SLC9A3: variants seen among roughly 807,000 people sequenced by gnomAD.
The protein encoded by SLC9A3 is solute carrier family 9 member A3.
In SLC9A3, 37 loss-of-function variants were observed where a neutral mutation model predicts 86.8. The ratio of observed to expected loss-of-function variants is 0.43; its 90% confidence interval spans 0.33 to 0.56. SLC9A3 has a LOEUF of 0.56. Among genes scored for constraint, SLC9A3 ranks in the 20% least tolerant of loss-of-function variants. The probability of loss-of-function intolerance (pLI) is 0.06; values close to 1 mark genes in which losing one functional copy is unlikely to be tolerated. For missense variants in SLC9A3, 1,011 were observed against 1,171.9 expected (o/e 0.86, Z 2.00); for synonymous variants, 581 against 528.3 (o/e 1.10, Z -1.37).
At chr5:482,470 T>C in intron 7 of SLC9A3, 78 bp downstream of exon 7, 1 of 1,224,112 alleles carries the variant, frequency 8.2e-7, no homozygotes, top group Non-Finnish European at 1.2e-6. Flanking sequence ...AGCCTGGAAA[T>C]GCTTGTCCTG....
chr5:509,494 AGAAG>A (rs1181934416), intron 1 of SLC9A3, among the ~76,000 whole-genome samples: 3 of 106,548 alleles, frequency 2.8e-5, no homozygotes, highest in African/African-American at 7.3e-5. Flanking sequence ...AGGGAGGGAA[AGAAG>A]GAAGGAAGGG....
chr5:498,681 C>T (rs1336405965), intron 1 of SLC9A3, among the ~76,000 whole-genome samples: 1 of 152,220 alleles, frequency 6.6e-6, no homozygotes, highest in Non-Finnish European at 1.5e-5. Flanking sequence ...GGATCACAGG[C>T]GTGAGCCACC....
intron 2 of SLC9A3, 98 bp from the exon 3 acceptor site, chr5:488,574 C>G (rs558398126): frequency 7.8e-7 from 1 of 1,274,690 alleles, no homozygotes; most frequent in South Asian, 1.6e-5. Flanking sequence ...GTTCGGAGCC[C>G]GTCTGGCTGG....
rs1158978167 is a variant in SLC9A3 at position 491,972 on chromosome 5, T to C, written c.311A>G (p.His104Arg). 6.2e-7 allele frequency: 1 copy of C among 1,606,304 alleles called. No individual in the cohort carries two copies. Residue 104 changes from histidine to arginine, a missense_variant, in exon 2 of 17, where the codon CAC (histidine) becomes CGC (arginine). Coordinates refer to ENST00000264938, the MANE Select transcript of SLC9A3 (RefSeq NM_004174.4). The surrounding 1 kb of genome is among the most constrained non-coding windows in gnomAD (Gnocchi z 9.2). ...VLGGIVWAAD[H>R]IASFTLTPTV... ...GGGCGTCAGTGTGAAGGACGCGATG[T>C]GGTCGGCCGCCCAGACGATGCCGCC...
chr5:512,930 C>T (rs944425031), intron 1 of SLC9A3, among the ~76,000 whole-genome samples: 3 of 152,048 alleles, frequency 2.0e-5, no homozygotes, highest in Admixed American at 1.3e-4. Flanking sequence ...CACTACTGTC[C>T]GGCGTCACCA....
At chr5:500,039 A>C (rs1740191167) in intron 1 of SLC9A3, among the ~76,000 whole-genome samples, 1 of 152,254 alleles carries the variant, frequency 6.6e-6, no homozygotes, top group Admixed American at 6.5e-5. Context: ...CTGGGACGCA[A>C]CAGGCAGCGA....
At position 475,655 on chromosome 5, in the gene SLC9A3, G is replaced by C. The variant is rs377080845; in HGVS notation, c.2157C>G (p.Asp719Glu). 2.4e-5 allele frequency: 37 copies of C among 1,550,064 alleles called. No homozygotes were observed. The Admixed American group carries it at 7.1e-4, about 30-fold the overall frequency. The change falls in exon 15 of 17, where the codon GAC becomes GAG. Residue 719 changes from aspartate to glutamate, a missense_variant. Asp to Glu is a conservative substitution (Grantham distance 45). Transcript: ENST00000264938. ...TIKEKDLELS[D>E]TEEPPNYDEE... The stretch of plus-strand genomic sequence containing the variant: ...CATCATAGTTGGGGGGCTCCTCGGT[G>C]TCTGAAAGTTCCAAGTCTGGGGAAG...
In SLC9A3 at chr5:477,319, C is replaced by T. The variant is rs1393541528; in HGVS notation, c.1760+13G>A. The T allele has an allele frequency of 2.6e-6, 4 of 1,567,250 alleles. No homozygotes were observed. Among genetic ancestry groups the T allele is most frequent in the Non-Finnish European group, 3.5e-6 (4 of 1,143,304 alleles). The stretch of plus-strand genomic sequence containing the variant: ...CTCTTCCCCAGGGAAGCTGCATGAC[C>T]ATGGCCACATACAGGAGGTAGGAGA... On this transcript the variant is annotated intron_variant, in intron 11 of 16. Coordinates refer to ENST00000264938, the MANE Select transcript of SLC9A3 (RefSeq NM_004174.4).
chr5:515,285 A>G (rs1041737185), intron 1 of SLC9A3, among the ~76,000 whole-genome samples: 1 of 151,620 alleles, frequency 6.6e-6, no homozygotes, highest in Non-Finnish European at 1.5e-5. Flanking sequence ...TGGAATTCCC[A>G]CAGCCCCTCC....
chr5:475,716 T>C (rs1284584656), intron 14 of SLC9A3, 45 bp from the exon 15 acceptor site: 2 of 1,074,194 alleles, frequency 1.9e-6, no homozygotes, highest in Admixed American at 2.0e-5. Context: ...ACTGGGGGGC[T>C]GTCCTCACAG....
At position 473,271 on chromosome 5, in the gene SLC9A3, C is replaced by G; in HGVS notation, c.*108G>C. ...CGAGGCGGGGCTCGGGGCTCGCGGT[C>G]GCTGTAGCCGCGCGGGGATCTGGGG... is the stretch of plus-strand genomic sequence containing the variant. On this transcript the variant is annotated 3_prime_UTR_variant, in exon 17 of 17. Coordinates refer to ENST00000264938, the MANE Select transcript of SLC9A3 (RefSeq NM_004174.4). The G allele has an allele frequency of 8.5e-7, 1 of 1,177,072 alleles. No individual in the cohort carries two copies. The highest frequency in any genetic ancestry group is 1.1e-6 in the Non-Finnish European group (1 of 928,986). 72.9% of individuals were successfully genotyped at this position (1,177,072 alleles called of 1,614,324 possible). A position where few individuals can be genotyped will look rare whatever the true frequency, so the allele number is the denominator to read the frequency against.
In SLC9A3 at chr5:491,674, A is replaced by G; in HGVS notation, c.514+95T>C. On this transcript the variant is annotated intron_variant, in intron 2 of 16. Coordinates refer to ENST00000264938, the MANE Select transcript of SLC9A3 (RefSeq NM_004174.4). The surrounding 1 kb of genome is among the most constrained non-coding windows in gnomAD (Gnocchi z 9.2). ...ACCTGACACTTACCGCCTGGAGGCC[A>G]GGGTGCGGCACCCCGACCTTTCTGA... The G allele has an allele frequency of 6.9e-6, 8 of 1,163,804 alleles. No homozygotes were observed. The highest frequency in any genetic ancestry group is 6.7e-5 in the South Asian group (4 of 59,576). 72.1% of individuals were successfully genotyped at this position (1,163,804 alleles called of 1,614,324 possible).
Position 491,784 on chromosome 5 carries a change from G to A in SLC9A3, c.499C>T (p.Leu167Phe), listed in dbSNP as rs1045149774. The change falls in exon 2 of 17, where the codon CTC (leucine) becomes TTC (phenylalanine). Residue 167 changes from leucine to phenylalanine, a missense_variant. Physicochemically the swap from Leu to Phe is conservative, Grantham distance 22. Around this residue, in one of 3 missense-constraint regions of SLC9A3, gnomAD observed 565 missense variants for 790.0 expected, o/e 0.72. Transcript: ENST00000264938. The surrounding 1 kb of genome is among the most constrained non-coding windows in gnomAD (Gnocchi z 9.2). ...TTGLSLYGVF[L>F]SGLMGDLQIG... The stretch of plus-strand genomic sequence containing the variant: ...GCAGACTCACCCATGAGCCCACTGA[G>A]GAAGACGCCGTAGAGGGACAGCCCG... The A allele has an allele frequency of 6.4e-7, 1 of 1,555,328 alleles. No homozygotes were observed. Among genetic ancestry groups the A allele is most frequent in the Non-Finnish European group, 8.7e-7 (1 of 1,145,982 alleles).
In SLC9A3 at chr5:475,618, C is replaced by T. The variant is rs982185730; in HGVS notation, c.2194G>A (p.Gly732Arg). ...ACACTAGCCAGGAACTCGATCCCCC[C>T]ACTCATCTCCTCATCATAGTTGGGG... ...EPPNYDEEMS[G>R]GIEFLASVTK... The change falls in exon 15 of 17, where the codon GGG becomes AGG. Residue 732 changes from glycine to arginine, a missense_variant. Gly to Arg is a moderately radical substitution (Grantham distance 125). Coordinates refer to ENST00000264938, the MANE Select transcript of SLC9A3 (RefSeq NM_004174.4). The T allele has an allele frequency of 6.4e-7, 1 of 1,552,722 alleles. No homozygotes were observed. The highest frequency in any genetic ancestry group is 1.2e-5 in the South Asian group (1 of 84,164).
intron 11 of SLC9A3, 43 bp downstream of exon 11, chr5:477,289 C>G (rs775754635): frequency 7.1e-7 from 1 of 1,404,306 alleles, no homozygotes; most frequent in Admixed American, 1.9e-5. Flanking sequence ...GCTCCCGAGG[C>G]TGGGCTCTTC....
At chr5:507,237 G>C (rs186894722) in intron 1 of SLC9A3, among the ~76,000 whole-genome samples, 2,410 of 115,010 alleles carry the variant, frequency 0.021, 138 homozygotes, top group African/African-American at 0.085. Flanking sequence ...GGCGCGATCT[G>C]GGCTCACTGC....
In SLC9A3 at chr5:473,308, C is replaced by G; in HGVS notation, c.*71G>C. 1.5e-6 allele frequency: 2 copies of G among 1,368,942 alleles called. No individual in the cohort carries two copies. Among genetic ancestry groups the G allele is most frequent in the South Asian group, 3.3e-5 (2 of 60,278 alleles). The allele number at this position is 1,368,942 out of a possible 1,614,324, so 84.8% of individuals were successfully genotyped here. A position where few individuals can be genotyped will look rare whatever the true frequency, so the allele number is the denominator to read the frequency against. On this transcript the variant is annotated 3_prime_UTR_variant, in exon 17 of 17. Coordinates refer to ENST00000264938, the MANE Select transcript of SLC9A3 (RefSeq NM_004174.4). ...GCGGGGATCTGGGGTTTCTCTGGGA[C>G]AGCGGCGGCGGCGGTGGGCGGACCG...
intron 16 of SLC9A3, 25 bp from the exon 17 acceptor site, chr5:473,407 G>A: frequency 7.2e-7 from 1 of 1,390,748 alleles, no homozygotes; most frequent in South Asian, 1.6e-5. Context: ...GGCGTGAGCG[G>A]CGCGCGGAGC....
chr5:504,910 G>A (rs1390808877), intron 1 of SLC9A3, among the ~76,000 whole-genome samples: 4 of 116,776 alleles, frequency 3.4e-5, no homozygotes, highest in Non-Finnish European at 7.8e-5. Context: ...GGACGCCTGT[G>A]CCTGGAAGAG....
Sources: allele counts gnomAD v4.1 joint callset (sites outside exome capture counted in the v4.1 genomes callset), GRCh38; gene constraint gnomAD v4.1.1; regional missense constraint gnomAD v4.1.1; non-coding constraint Gnocchi (gnomAD v3.1); transcripts MANE v1.5; gene names NCBI Gene and HGNC (gene_info 2026-07-23, HGNC 2026-07-21).